NLRP8: variants seen among roughly 807,000 people sequenced by gnomAD.
NLRP8 encodes the protein NACHT, LRR and PYD domains-containing protein 8.
NLRP8 carries 86 observed loss-of-function variants against 88.7 expected under a neutral mutation model. The observed-to-expected ratio is 0.97, with a 90% CI of 0.81 to 1.16. The LOEUF is 1.16. NLRP8 is among the 50% of genes most tolerant of loss of function. The pLI, the probability that NLRP8 is intolerant of heterozygous loss-of-function variation, is 0.00. For synonymous variants in NLRP8, 504 were observed against 494.6 expected (o/e 1.02, Z -0.25); for missense variants, 1,342 against 1,286.5 (o/e 1.04, Z -0.66).
At chr19:55,948,379 C>A in intron 1 of NLRP8, 110 bp downstream of exon 1, 1 of 1,154,888 alleles carries the variant, frequency 8.7e-7, no homozygotes, top group Non-Finnish European at 1.2e-6. Context: ...AGAAAGCAAA[C>A]AGTGGAGGAA....
At chr19:55,960,546 A>G (rs1979561417) in intron 3 of NLRP8, among the ~76,000 whole-genome samples, 1 of 152,184 alleles carries the variant, frequency 6.6e-6, no homozygotes, top group Non-Finnish European at 1.5e-5. Flanking sequence ...GATGCTGCGT[A>G]AAGACCTGAC....
rs761654034 is a variant in NLRP8, at chr19:55,955,659, G to A, written c.1601G>A (p.Ser534Asn). The change falls in exon 3 of 10, where the codon AGC (serine) becomes AAC (asparagine). Residue 534 changes from serine (S) to asparagine (N), a missense_variant. Transcript: ENST00000291971. ...AGACTCAAAAATTTTCATGTGTTGA[G>A]CCACGTGAATATCCAGCGCCTGATA... is the stretch of plus-strand genomic sequence containing the variant. 3 of 1,614,116 alleles carry A rather than the reference G, an allele frequency of 1.9e-6. No homozygotes were observed. The highest frequency in any genetic ancestry group is 3.3e-5 in the Admixed American group (2 of 59,998).
chr19:55,973,905 TCA>T, intron 7 of NLRP8, 83 bp downstream of exon 7: 1 of 1,381,938 alleles, frequency 7.2e-7, no homozygotes, highest in East Asian at 2.3e-5. Context: ...TTCATTTATG[TCA>T]CATATTTATT....
At chr19:55,965,000 T>C (rs1005777181) in intron 4 of NLRP8, among the ~76,000 whole-genome samples, 1 of 152,060 alleles carries the variant, frequency 6.6e-6, no homozygotes, top group Non-Finnish European at 1.5e-5. Flanking sequence ...AAAAGGCGTG[T>C]GATGGCCAGG....
intron 9 of NLRP8, among the ~76,000 whole-genome samples, chr19:55,982,014 G>T (rs1446676353): frequency 6.6e-6 from 1 of 151,884 alleles, no homozygotes; most frequent in African/African-American, 2.4e-5. Flanking sequence ...TGATTCTCCT[G>T]CCTCAGCCTC....
chr19:55,955,054 C>T lies in NLRP8; in HGVS notation c.996C>T (p.Ile332=). 1 of 1,614,106 alleles carries T rather than the reference C, an allele frequency of 6.2e-7. No homozygotes were observed. Among genetic ancestry groups the T allele is most frequent in the South Asian group, 1.1e-5 (1 of 91,076 alleles). ...TGCTTCCAGAGGCCACGCTACTGAT[C>T]ATGATAAGATTTACCTCTTGGCAGA... Residue 332 remains isoleucine (I), a synonymous_variant, in exon 3 of 10, where the codon ATC becomes ATT. Coordinates refer to ENST00000291971, the MANE Select transcript of NLRP8 (RefSeq NM_176811.2).
At chr19:55,963,869 T>C (rs766348794) in intron 4 of NLRP8, among the ~76,000 whole-genome samples, 7 of 152,100 alleles carry the variant, frequency 4.6e-5, no homozygotes, top group East Asian at 1.9e-4. Flanking sequence ...TTTTTTATAA[T>C]GTAAGAGTGA....
chr19:55,988,025 A>G lies in NLRP8; in HGVS notation c.*112A>G. The G allele has an allele frequency of 1.3e-6, 1 of 783,070 alleles. No homozygotes were observed. The allele number at this position is 783,070 out of a possible 1,614,324, so 48.5% of individuals were successfully genotyped here. A position where few individuals can be genotyped will look rare whatever the true frequency, so the allele number is the denominator to read the frequency against. On this transcript the variant is annotated 3_prime_UTR_variant, in exon 10 of 10. Transcript: ENST00000291971. ...ATTAACGTACTTTCCCCTGAAACAG[A>G]GCAACCCAGTCAACACCACAGAACC... is the stretch of plus-strand genomic sequence containing the variant.
In NLRP8 at chr19:55,951,715, A is replaced by G. The variant is rs1979102386; in HGVS notation, c.368-823A>G. On this transcript the variant is annotated intron_variant, in intron 1 of 9. Transcript: ENST00000291971. ...TAAATTACTTATAATACCCAACACA[A>G]TGTAAATGCTATGTAAATAGTTGTT... Among the ~76,000 whole-genome samples the G allele has an allele frequency of 2.0e-5, 3 of 152,242 alleles. No individual in the cohort carries two copies. The South Asian group carries it at 6.2e-4, about 32-fold the overall frequency.
chr19:55,976,147 A>G lies in NLRP8; in HGVS notation c.2720A>G (p.Asp907Gly). ...TTTCTTTGCAGACTGAGAAAGTGTG[A>G]CTTGACCTTTAATTGCTGTCAGGAT... Residue 907 changes from aspartate to glycine, a missense_variant, in exon 8 of 10, where the codon GAC becomes GGC. By Grantham distance (94) the Asp-to-Gly change is moderately conservative. Transcript: ENST00000291971. 1 of 1,606,516 alleles carries G rather than the reference A, an allele frequency of 6.2e-7. No homozygotes were observed. Among genetic ancestry groups the G allele is most frequent in the Non-Finnish European group, 8.5e-7 (1 of 1,178,120 alleles).
At chr19:55,970,396 T>C (rs1275024758) in intron 5 of NLRP8, 148 bp from the exon 6 acceptor site, 1 of 806,176 alleles carries the variant, frequency 1.2e-6, no homozygotes, top group Non-Finnish European at 1.9e-6. Context: ...TTCCTGAGCT[T>C]GGTGCAGGTG....
intron 9 of NLRP8, among the ~76,000 whole-genome samples, chr19:55,982,590 G>A (rs1436463246): frequency 6.6e-6 from 1 of 152,216 alleles, no homozygotes; most frequent in Non-Finnish European, 1.5e-5. Flanking sequence ...TCCACAGTTG[G>A]TGCTGGGAAT....
intron 8 of NLRP8, 141 bp from the exon 9 acceptor site, chr19:55,979,253 A>G (rs1270284108): frequency 1.0e-5 from 9 of 866,332 alleles, no homozygotes; most frequent in East Asian, 4.9e-5. Flanking sequence ...CTGATTGACT[A>G]TAGGTGAATA....
chr19:55,977,820 A>C (rs1980413801), intron 8 of NLRP8, among the ~76,000 whole-genome samples: 1 of 152,046 alleles, frequency 6.6e-6, no homozygotes, highest in Non-Finnish European at 1.5e-5. Context: ...ATTGTCTTGT[A>C]GAACATCTTT....
At chr19:55,973,113 C>T (rs141110600) in intron 6 of NLRP8, among the ~76,000 whole-genome samples, 99 of 152,140 alleles carry the variant, frequency 6.5e-4, no homozygotes, top group African/African-American at 2.3e-3. Context: ...TCACCAACAC[C>T]TTTCTTTTTA....
intron 1 of NLRP8, among the ~76,000 whole-genome samples, chr19:55,950,125 G>A (rs1160542495): frequency 1.3e-5 from 2 of 151,842 alleles, no homozygotes; most frequent in Non-Finnish European, 2.9e-5. Flanking sequence ...AAAATACACA[G>A]AGAGGCCAGG....
chr19:55,962,611 CG>C (rs1979664957), intron 4 of NLRP8, among the ~76,000 whole-genome samples: 1 of 152,126 alleles, frequency 6.6e-6, no homozygotes, highest in Non-Finnish European at 1.5e-5. Flanking sequence ...ATGTTCAGCC[CG>C]GTGCTGTGGC....
chr19:55,976,736 G>A (rs1980353112), intron 8 of NLRP8, among the ~76,000 whole-genome samples: 3 of 150,082 alleles, frequency 2.0e-5, no homozygotes, highest in African/African-American at 4.9e-5. Flanking sequence ...AAATATATAT[G>A]TATATAAAGA....
chr19:55,975,032 A>T (rs1212941532), intron 7 of NLRP8, among the ~76,000 whole-genome samples: 1 of 152,176 alleles, frequency 6.6e-6, no homozygotes, highest in African/African-American at 2.4e-5. Context: ...GAAATCAGCC[A>T]TGGCAGAAGT....
Sources: gnomAD v4.1 joint callset for allele counts (sites outside exome capture counted in the v4.1 genomes callset) on GRCh38, gnomAD v4.1.1 for gene constraint, MANE v1.5 for transcripts, NCBI Gene and HGNC (gene_info 2026-07-23, HGNC 2026-07-21) for gene names.